The following AGBL1 variants were observed in gnomAD, a reference collection of about 807,000 sequenced individuals.
The protein encoded by AGBL1 is cytosolic carboxypeptidase 4.
Under a neutral mutation model 118.9 loss-of-function variants are expected in AGBL1, and 130 were observed. The observed-to-expected ratio is 1.09, with a 90% CI of 0.95 to 1.26. The LOEUF (loss-of-function observed/expected upper bound fraction) is 1.26, where lower values mean the gene tolerates loss of function less well. AGBL1 is among the 50% of genes most tolerant of loss of function. AGBL1 has a pLI of 0.00. For synonymous variants in AGBL1, 555 were observed against 478.9 expected (o/e 1.16, Z -2.08); for missense variants, 1,584 against 1,298.1 (o/e 1.22, Z -3.38).
At chr15:86,871,182 T>C (rs889865675) in intron 22 of AGBL1, among the ~76,000 whole-genome samples, 2 of 152,114 alleles carry the variant, frequency 1.3e-5, no homozygotes, top group African/African-American at 4.8e-5. Flanking sequence ...GATTTGTGGG[T>C]AGGAGATGGG....
intron 21 of AGBL1, among the ~76,000 whole-genome samples, chr15:86,579,616 C>G (rs1391259006): frequency 2.6e-5 from 4 of 152,046 alleles, no homozygotes; most frequent in Non-Finnish European, 5.9e-5. Context: ...TATGAGCCAT[C>G]CTAAGGGGAT....
intron 24 of AGBL1, among the ~76,000 whole-genome samples, chr15:87,020,667 A>G (rs150320462): frequency 1.7e-3 from 259 of 152,278 alleles, no homozygotes; most frequent in African/African-American, 5.8e-3. Context: ...ATACAAAATA[A>G]ACATGCAAAA....
At chr15:86,538,384 G>A (rs2083453439) in intron 19 of AGBL1, among the ~76,000 whole-genome samples, 1 of 152,210 alleles carries the variant, frequency 6.6e-6, no homozygotes, top group African/African-American at 2.4e-5. Context: ...TGACTCAGAT[G>A]AAGCACTTAC....
At chr15:86,199,654 T>C (rs186348260) in intron 5 of AGBL1, among the ~76,000 whole-genome samples, 1 of 152,324 alleles carries the variant, frequency 6.6e-6, no homozygotes, top group East Asian at 1.9e-4. Context: ...ACTTATTTCA[T>C]CTTGGATGAA....
chr15:86,363,485 T>C (rs2080836742), intron 17 of AGBL1, among the ~76,000 whole-genome samples: 1 of 152,154 alleles, frequency 6.6e-6, no homozygotes, highest in African/African-American at 2.4e-5. Flanking sequence ...ATGACCCTTT[T>C]GTATGGATGA....
rs1418476624 is a variant in AGBL1 at position 86,327,919 on chromosome 15, T to G, written c.2374+32511T>G. Among the ~76,000 whole-genome samples the G allele has an allele frequency of 2.6e-5, 4 of 152,194 alleles. No individual in the cohort carries two copies. In the East Asian group the frequency reaches 7.7e-4, roughly 29 times the overall value. On this transcript the variant is annotated intron_variant, in intron 17 of 22. Transcript: ENST00000614907. Reference sequence around the variant, plus strand: ...TCCTCCTGAGTTGCTCCAGGCAGTGTGTTTTAAAGGAAAGAAGAAGAATAT... The same window carrying G: ...TCCTCCTGAGTTGCTCCAGGCAGTGGGTTTTAAAGGAAAGAAGAAGAATAT...
At chr15:86,802,830 C>T (rs550570065) in intron 22 of AGBL1, among the ~76,000 whole-genome samples, 11 of 152,250 alleles carry the variant, frequency 7.2e-5, no homozygotes, top group East Asian at 1.9e-4. Context: ...AATTACTTTA[C>T]GTTGCAATTG....
rs1414191844 is a variant in AGBL1 at position 86,455,144 on chromosome 15, G to A, written c.2555+57598G>A. Among the ~76,000 whole-genome samples the A allele has an allele frequency of 2.6e-5, 4 of 152,142 alleles. No homozygotes were observed. In the East Asian group the frequency reaches 7.7e-4, roughly 29 times the overall value. ...AATAGCAGCTGATGATAAAAGCAAT[G>A]AAAACAGTGCATATTTATTGATTTG... is the stretch of plus-strand genomic sequence containing the variant. On this transcript the variant is annotated intron_variant, in intron 18 of 22. Transcript: ENST00000614907.
At chr15:86,827,711 G>T (rs1196014817) in intron 22 of AGBL1, among the ~76,000 whole-genome samples, 1 of 145,434 alleles carries the variant, frequency 6.9e-6, no homozygotes, top group African/African-American at 2.5e-5. Flanking sequence ...TGTCTTCTTT[G>T]AGGAAACTCT....
At chr15:86,940,190 C>T (rs1234916782) in intron 23 of AGBL1, among the ~76,000 whole-genome samples, 1 of 150,092 alleles carries the variant, frequency 6.7e-6, no homozygotes, top group African/African-American at 2.4e-5. Context: ...AGACATGAGC[C>T]TGTGCCCGGT....
rs374792460 is a variant in AGBL1, at chr15:86,546,182, C to T, written c.2817+49C>T. On this transcript the variant is annotated intron_variant, in intron 20 of 22. Coordinates refer to ENST00000614907, the MANE Select transcript of AGBL1 (RefSeq NM_001386094.1). The stretch of plus-strand genomic sequence containing the variant: ...TCAGACATGCTGTGTTCATATTCTT[C>T]ATTCTTACCTTTAAGACCATGCCCC... 1.0e-4 allele frequency: 157 copies of T among 1,531,532 alleles called. 2 individuals carry two copies. In the African/African-American group the frequency reaches 1.9e-3, roughly 19 times the overall value. The allele number at this position is 1,531,532 out of a possible 1,614,324, so 94.9% of individuals were successfully genotyped here.
At chr15:86,960,197 C>T (rs75121879) in intron 23 of AGBL1, among the ~76,000 whole-genome samples, 1,712 of 152,112 alleles carry the variant, frequency 0.011, 32 homozygotes, top group African/African-American at 0.039. Context: ...GATGTAGACA[C>T]AGGATTGGAG....
At chr15:86,740,952 C>G (rs543781244) in intron 22 of AGBL1, among the ~76,000 whole-genome samples, 1 of 152,172 alleles carries the variant, frequency 6.6e-6, no homozygotes, top group African/African-American at 2.4e-5. Context: ...ACTATAGATC[C>G]TCAAGTATAC....
At chr15:86,375,007 G>A (rs943697033) in intron 17 of AGBL1, among the ~76,000 whole-genome samples, 1 of 152,162 alleles carries the variant, frequency 6.6e-6, no homozygotes, top group Non-Finnish European at 1.5e-5. Flanking sequence ...TGGTCCTAAA[G>A]CTACAGATTC....
At chr15:86,541,313 C>T (rs1433731234) in intron 19 of AGBL1, among the ~76,000 whole-genome samples, 1 of 152,200 alleles carries the variant, frequency 6.6e-6, no homozygotes, top group East Asian at 1.9e-4. Context: ...ACTTGAATCA[C>T]AGAATTGCCA....
At chr15:86,580,749 A>T (rs191750953) in intron 21 of AGBL1, among the ~76,000 whole-genome samples, 115 of 151,950 alleles carry the variant, frequency 7.6e-4, no homozygotes, top group African/African-American at 2.6e-3. Context: ...AACATATACA[A>T]GAAATTTTTG....
intron 6 of AGBL1, among the ~76,000 whole-genome samples, chr15:86,246,874 TAGTC>T (rs1429955161): frequency 6.7e-6 from 1 of 149,702 alleles, no homozygotes; most frequent in African/African-American, 2.5e-5. Flanking sequence ...CCTAACCTGA[TAGTC>T]AGCTCAACCC....
At chr15:86,241,981 A>G (rs2078648349) in intron 6 of AGBL1, among the ~76,000 whole-genome samples, 1 of 152,178 alleles carries the variant, frequency 6.6e-6, no homozygotes, top group African/African-American at 2.4e-5. Flanking sequence ...TTGAATCATG[A>G]GAGTGGGTCT....
chr15:86,143,183 C>T (rs1218835037), intron 2 of AGBL1, among the ~76,000 whole-genome samples: 1 of 152,180 alleles, frequency 6.6e-6, no homozygotes, highest in African/African-American at 2.4e-5. Context: ...GTTTCTTTCT[C>T]AAGGGACTAC....
Sources: gnomAD v4.1 joint callset for allele counts (sites outside exome capture counted in the v4.1 genomes callset) on GRCh38, gnomAD v4.1.1 for gene constraint, MANE v1.5 for transcripts, NCBI Gene and HGNC (gene_info 2026-07-23, HGNC 2026-07-21) for gene names.